The following LTBP4 variants were observed in gnomAD, a reference collection of about 807,000 sequenced individuals.
The protein encoded by LTBP4 is latent-transforming growth factor beta-binding protein 4.
Under a neutral mutation model 180.2 loss-of-function variants are expected in LTBP4, and 93 were observed. The observed-to-expected ratio is 0.52, with a 90% CI of 0.44 to 0.61. LTBP4 has a LOEUF of 0.61. Among genes scored for constraint, LTBP4 ranks in the 20% least tolerant of loss-of-function variants. The pLI is 0.00. For synonymous variants in LTBP4, 947 were observed against 934.5 expected, an observed-to-expected ratio of 1.01 and a Z score of -0.24; for missense variants, 2,116 against 2,256.5, an observed-to-expected ratio of 0.94 and a Z score of 1.26.
Position 40,594,059 on chromosome 19 carries a change from A to G in LTBP4, c.16+878A>G, listed in dbSNP as rs555135785. 6.6e-5 allele frequency among the ~76,000 whole-genome samples: 10 copies of G among 150,818 alleles called. No individual in the cohort carries two copies. In the East Asian group the frequency reaches 2.0e-3, roughly 30 times the overall value. On this transcript the variant is annotated intron_variant, in intron 1 of 32. Transcript: ENST00000204005. Reference sequence around the variant, plus strand: ...TCTGCCCTCCCACCTCGGCCTCCCAAAGTGCTGGGATTACAGACGTGAGCC... The same window carrying G: ...TCTGCCCTCCCACCTCGGCCTCCCAGAGTGCTGGGATTACAGACGTGAGCC...
chr19:40,628,157 C>G (rs2081651357), intron 29 of LTBP4, among the ~76,000 whole-genome samples: 2 of 152,232 alleles, frequency 1.3e-5, no homozygotes, highest in African/African-American at 2.4e-5. Context: ...TCTGCAGGAC[C>G]TCTTTGGAGA....
exon 1 of LTBP4, chr19:40,593,168 G>T: frequency 6.2e-7 from 1 of 1,613,900 alleles, no homozygotes; most frequent in Admixed American, 1.7e-5. Context: ...GAACACAAAT[G>T]GGAGACGTAA....
At chr19:40,626,075 GAT>G in intron 27 of LTBP4, 66 bp downstream of exon 27, 1 of 1,490,684 alleles carries the variant, frequency 6.7e-7, no homozygotes, top group Non-Finnish European at 8.9e-7. Flanking sequence ...TAGGCCCTCA[GAT>G]CCCCAGTCGC....
At chr19:40,627,666 C>T in intron 28 of LTBP4, 39 bp from the exon 29 acceptor site, 3 of 1,558,338 alleles carry the variant, frequency 1.9e-6, no homozygotes, top group Non-Finnish European at 2.6e-6. Context: ...GGGGTGAAGG[C>T]AGGGACCTCA....
At chr19:40,599,564 G>A (rs1368435745), upstream of LTBP4, 1 of 1,604,726 alleles carries the variant, frequency 6.2e-7, no homozygotes, top group Non-Finnish European at 8.5e-7. Flanking sequence ...GACGTGAGTG[G>A]GCAGTCCCTC....
At chr19:40,602,972 C>G (rs762187934) in intron 1 of LTBP4, among the ~76,000 whole-genome samples, 10 of 152,152 alleles carry the variant, frequency 6.6e-5, no homozygotes, top group Admixed American at 1.3e-4. Context: ...CCCCACTACT[C>G]AATTAAAAGC....
rs199508547 is a variant in LTBP4 at position 40,614,399 on chromosome 19, G to A, written c.2765G>A (p.Arg922Gln). The stretch of plus-strand genomic sequence containing the variant: ...TCTCCCGGCTCCTACCGCTGTGTCC[G>A]GGACTGCGATCCTGGGTACCACGCG... ...ENSPGSYRCV[R>Q]DCDPGYHAGP... is the part of the protein sequence containing the mutation. Residue 922 changes from arginine (R) to glutamine (Q), a missense_variant, in exon 19 of 30, where the codon CGG becomes CAG. Physicochemically the swap from Arg to Gln is conservative, Grantham distance 43 (BLOSUM62 1). Around this residue, in one of 5 missense-constraint regions of LTBP4, gnomAD observed 877 missense variants for 873.6 expected, o/e 1.00. Coordinates refer to ENST00000396819, the MANE Select transcript of LTBP4 (RefSeq NM_001042545.2). The A allele has an allele frequency of 3.1e-6, 5 of 1,599,988 alleles. No homozygotes were observed. In the African/African-American group the frequency reaches 5.3e-5, roughly 17 times the overall value.
chr19:40,614,612 A>G (rs888585799), intron 19 of LTBP4, among the ~76,000 whole-genome samples, 166 bp downstream of exon 19: 5 of 151,916 alleles, frequency 3.3e-5, no homozygotes, highest in Non-Finnish European at 7.4e-5. Flanking sequence ...GTGTCCATGT[A>G]TTTTCTTGTG....
At chr19:40,620,762 C>T (rs1239299527) in intron 22 of LTBP4, among the ~76,000 whole-genome samples, 1 of 96,658 alleles carries the variant, frequency 1.0e-5, no homozygotes, top group Non-Finnish European at 2.0e-5. Context: ...AGGAAGACTC[C>T]GTCCCAAAAA....
At chr19:40,616,513 G>T (rs10403833) in intron 19 of LTBP4, among the ~76,000 whole-genome samples, 1 of 151,758 alleles carries the variant, frequency 6.6e-6, no homozygotes, top group Non-Finnish European at 1.5e-5. Flanking sequence ...TGGACAGATC[G>T]CTTGAGGTCA....
rs764744871 is a variant in LTBP4, at chr19:40,617,186, C to A, written c.3031C>A (p.Gln1011Lys). 1 of 1,613,664 alleles carries A rather than the reference C, an allele frequency of 6.2e-7. No individual in the cohort carries two copies. Among genetic ancestry groups the A allele is most frequent in the Non-Finnish European group, 8.5e-7 (1 of 1,179,836 alleles). ...CGGCTCCTTCCAGTGCCTCTGTGAC[C>A]AGGGTTACGAGGGGGCACGGGATGG... ...LPGSFQCLCD[Q>K]GYEGARDGRH... The change falls in exon 21 of 30, where the codon CAG (glutamine) becomes AAG (lysine). Residue 1011 changes from glutamine (Q) to lysine (K), a missense_variant. Physicochemically the swap from Gln to Lys is moderately conservative, Grantham distance 53. Around this residue, in one of 5 missense-constraint regions of LTBP4, gnomAD observed 278 missense variants for 373.0 expected, o/e 0.75. Coordinates refer to ENST00000396819, the MANE Select transcript of LTBP4 (RefSeq NM_001042545.2).
chr19:40,613,178 C>A lies in LTBP4; in HGVS notation c.2413C>A (p.Arg805=), dbSNP rs2081520067. ...GCCAGGCTACCGGGCGCCGTCGGGT[C>A]GGCCCGGGCCCTGCGCAGGTGAGCA... ...CAPGYRAPSG[R]PGPCADVNEC... is the part of the protein sequence containing the mutation. The change falls in exon 16 of 30, where the codon CGG becomes AGG. Residue 805 remains arginine (R), a synonymous_variant. Coordinates refer to ENST00000396819, the MANE Select transcript of LTBP4 (RefSeq NM_001042545.2). The surrounding 1 kb of genome is among the most constrained non-coding windows in gnomAD (Gnocchi z 5.0). 6.4e-6 allele frequency: 10 copies of A among 1,571,836 alleles called. No homozygotes were observed. Among genetic ancestry groups the A allele is most frequent in the Admixed American group, 1.9e-5 (1 of 53,460 alleles).
chr19:40,610,414 C>G lies in LTBP4; in HGVS notation c.1685-118C>G, dbSNP rs1213299932. ...CTCTCCGGCTGTCCTGGCCGGGTCC[C>G]CATCCTGGCTCTGGCCCAAGCTTGG... On this transcript the variant is annotated intron_variant, in intron 11 of 29. Coordinates refer to ENST00000396819, the MANE Select transcript of LTBP4 (RefSeq NM_001042545.2). The G allele has an allele frequency of 7.2e-6, 9 of 1,254,922 alleles. No individual in the cohort carries two copies. In the African/African-American group the frequency reaches 1.0e-4, roughly 15 times the overall value. 77.7% of individuals were successfully genotyped at this position (1,254,922 alleles called of 1,614,324 possible).
intron 19 of LTBP4, chr19:40,615,385 G>A (rs1198526222): frequency 6.6e-6 from 1 of 152,168 alleles, no homozygotes; most frequent in African/African-American, 2.4e-5. Flanking sequence ...AAGGTAATAA[G>A]AGCAACAGGA....
intron 26 of LTBP4, among the ~76,000 whole-genome samples, 197 bp from the exon 27 acceptor site, chr19:40,625,660 C>T (rs2081628411): frequency 2.0e-5 from 3 of 152,182 alleles, no homozygotes; most frequent in African/African-American, 7.2e-5. Context: ...GCCCTCTCCT[C>T]CTATATGACA....
chr19:40,609,447 G>A lies in LTBP4; in HGVS notation c.1427-83G>A. 1 of 1,547,284 alleles carries A rather than the reference G, an allele frequency of 6.5e-7. No homozygotes were observed. Among genetic ancestry groups the A allele is most frequent in the African/African-American group, 1.4e-5 (1 of 73,158 alleles). On this transcript the variant is annotated intron_variant, in intron 9 of 29. Coordinates refer to ENST00000396819, the MANE Select transcript of LTBP4 (RefSeq NM_001042545.2). This position sits in a 1 kb window ranked among gnomAD's most constrained non-coding sequence, Gnocchi z 4.9. ...ACATCCATGAAGGTGTTTTATGGAT[G>A]TCTCCGGGGGTGGGGGTTTTACTGG...
At position 40,617,120 on chromosome 19, in the gene LTBP4, CG is replaced by C; in HGVS notation, c.2967del (p.Ser990ProfsTer36). The C allele has an allele frequency of 6.2e-7, 1 of 1,614,000 alleles. No homozygotes were observed. Among genetic ancestry groups the C allele is most frequent in the East Asian group, 2.2e-5 (1 of 44,874 alleles). ...TGCAGATGTGGACGAATGCCGGAAC[CG>C]GTCCTTCTGCGGTGCCCACGCCGTG... ...GCQDVDECRN[R>X]SFCGAHAVCQ... On this transcript the variant is annotated frameshift_variant, in exon 21 of 30. Coordinates refer to ENST00000396819, the MANE Select transcript of LTBP4 (RefSeq NM_001042545.2). LOFTEE classifies it high-confidence loss of function.
At chr19:40,599,046 G>A, upstream of LTBP4, 1 of 753,220 alleles carries the variant, frequency 1.3e-6, no homozygotes. Flanking sequence ...TACAGATGGA[G>A]AAACTGAGGC....
chr19:40,594,846 CTG>C (rs1235931183), intron 1 of LTBP4, among the ~76,000 whole-genome samples: 1 of 151,964 alleles, frequency 6.6e-6, no homozygotes, highest in Non-Finnish European at 1.5e-5. Context: ...GTGAGTCAGC[CTG>C]TGTGTCTCAC....
Sources: gnomAD v4.1 joint callset for allele counts (sites outside exome capture counted in the v4.1 genomes callset) on GRCh38, gnomAD v4.1.1 for gene constraint, gnomAD v4.1.1 regional missense constraint, Gnocchi (gnomAD v3.1) non-coding constraint, MANE v1.5 for transcripts, NCBI Gene and HGNC (gene_info 2026-07-23, HGNC 2026-07-21) for gene names.